Variants in DTNB observed in about 807,000 individuals in gnomAD.
DTNB encodes the protein DTN-B.
DTNB carries 63 observed loss-of-function variants against 90.7 expected under a neutral mutation model. The ratio of observed to expected loss-of-function variants is 0.69; its 90% CI spans 0.57 to 0.86. The LOEUF (loss-of-function observed/expected upper bound fraction) is 0.86, where lower values mean the gene tolerates loss of function less well. Ranked by LOEUF, DTNB falls within the 40% of genes least tolerant of loss-of-function variation. The probability of loss-of-function intolerance (pLI) is 0.00; values close to 1 mark genes in which losing one functional copy is unlikely to be tolerated. For synonymous variants in DTNB, 277 were observed against 286.7 expected (o/e 0.97, Z 0.34); for missense variants, 744 against 807.1 (o/e 0.92, Z 0.95).
chr2:25,614,973 C>T (rs918191887), intron 4 of DTNB, among the ~76,000 whole-genome samples: 2 of 152,176 alleles, frequency 1.3e-5, no homozygotes, highest in Admixed American at 6.5e-5. Context: ...TCCCGCAAGA[C>T]TGCTCCCCAC....
chr2:25,651,872 C>T lies in DTNB; in HGVS notation c.67+722G>A, dbSNP rs147929855. 3.4e-3 allele frequency among the ~76,000 whole-genome samples: 512 copies of T among 152,166 alleles called. 2 individuals carry two copies. The highest frequency in any genetic ancestry group is 0.011 in the African/African-American group (471 of 41,534). On this transcript the variant is annotated intron_variant, in intron 2 of 20. Coordinates refer to ENST00000406818, the MANE Select transcript of DTNB (RefSeq NM_021907.5). ...TGTTAAGGGTCCTTGTAAGATTTCACTGGGGGAAAAAAAGAGTACAGTACT... is the reference window on the plus strand; with the variant it reads ...TGTTAAGGGTCCTTGTAAGATTTCATTGGGGGAAAAAAAGAGTACAGTACT...
chr2:25,397,446 T>C (rs1032990151), intron 16 of DTNB, among the ~76,000 whole-genome samples: 1 of 151,752 alleles, frequency 6.6e-6, no homozygotes, highest in Non-Finnish European at 1.5e-5. Context: ...ATATAAAATG[T>C]CCAGAATAGG....
intron 12 of DTNB, among the ~76,000 whole-genome samples, chr2:25,439,673 A>G (rs2056914493): frequency 6.6e-6 from 1 of 152,222 alleles, no homozygotes; most frequent in Non-Finnish European, 1.5e-5. Flanking sequence ...AGGGAGACGA[A>G]TTAGTAATCC....
intron 9 of DTNB, among the ~76,000 whole-genome samples, chr2:25,485,380 G>T (rs529490172): frequency 6.6e-6 from 1 of 152,086 alleles, no homozygotes; most frequent in East Asian, 1.9e-4. Context: ...GGAAAAATGA[G>T]AATAAAAAAT....
intron 2 of DTNB, among the ~76,000 whole-genome samples, chr2:25,648,282 C>A (rs2148904756): frequency 6.6e-6 from 1 of 152,116 alleles, no homozygotes; most frequent in Admixed American, 6.5e-5. Context: ...TATCGAGGCA[C>A]CATCATGATA....
At chr2:25,525,105 A>G (rs1276491522) in intron 9 of DTNB, among the ~76,000 whole-genome samples, 1 of 152,222 alleles carries the variant, frequency 6.6e-6, no homozygotes, top group African/African-American at 2.4e-5. Context: ...AATTTCAAAA[A>G]CATATTACTT....
At chr2:25,530,618 G>C (rs1018137840) in intron 9 of DTNB, among the ~76,000 whole-genome samples, 3 of 152,126 alleles carry the variant, frequency 2.0e-5, no homozygotes, top group Non-Finnish European at 4.4e-5. Context: ...TAATTCACAT[G>C]CATGGATTAT....
At chr2:25,377,884 G>A (rs796467990) in intron 20 of DTNB, among the ~76,000 whole-genome samples, 1 of 152,196 alleles carries the variant, frequency 6.6e-6, no homozygotes, top group East Asian at 1.9e-4. Flanking sequence ...CTCAGCCCCC[G>A]GCCAGCAGAG....
At chr2:25,542,137 C>CT (rs1459856664) in intron 8 of DTNB, among the ~76,000 whole-genome samples, 2 of 152,074 alleles carry the variant, frequency 1.3e-5, no homozygotes, top group African/African-American at 4.8e-5. Context: ...TGTTTTGAGA[C>CT]TGAGTCTCAC....
In DTNB at chr2:25,565,589, C is replaced by A. The variant is rs371423255; in HGVS notation, c.876+11249G>T. Among the ~76,000 whole-genome samples the A allele has an allele frequency of 2.7e-5, 4 of 149,434 alleles. No homozygotes were observed. In the South Asian group the frequency reaches 8.4e-4, roughly 32 times the overall value. On this transcript the variant is annotated intron_variant, in intron 8 of 20. Transcript: ENST00000406818. ...TGTCCTTTTTCAGGTTGAGAAAGTT[C>A]TCTTCTATTCCCAGTTTATTGCATT... is the stretch of plus-strand genomic sequence containing the variant.
At chr2:25,636,810 T>C (rs1036790302) in intron 3 of DTNB, among the ~76,000 whole-genome samples, 1 of 151,982 alleles carries the variant, frequency 6.6e-6, no homozygotes, top group Admixed American at 6.6e-5. Flanking sequence ...AATGATTTCA[T>C]GAAGCATTAA....
chr2:25,610,109 T>C (rs145673390), intron 4 of DTNB, among the ~76,000 whole-genome samples: 21 of 152,308 alleles, frequency 1.4e-4, no homozygotes, highest in Non-Finnish European at 2.6e-4. Flanking sequence ...ATTTTTTTTG[T>C]TGTTGTCTTG....
intron 15 of DTNB, among the ~76,000 whole-genome samples, chr2:25,425,352 G>C (rs1311795420): frequency 6.6e-6 from 1 of 152,146 alleles, no homozygotes; most frequent in South Asian, 2.1e-4. Flanking sequence ...ATTGTCTTGA[G>C]CAAGTCAAAA....
chr2:25,579,903 C>T (rs2061294197), intron 7 of DTNB, among the ~76,000 whole-genome samples: 1 of 150,684 alleles, frequency 6.6e-6, no homozygotes, highest in Non-Finnish European at 1.5e-5. Flanking sequence ...AAGAAACAAT[C>T]ATCTGGAATC....
intron 6 of DTNB, among the ~76,000 whole-genome samples, chr2:25,588,435 G>A (rs940740775): frequency 1.3e-5 from 2 of 151,016 alleles, no homozygotes; most frequent in Non-Finnish European, 2.9e-5. Flanking sequence ...GCATGATCTC[G>A]GCTCACTGCA....
intron 19 of DTNB, among the ~76,000 whole-genome samples, chr2:25,382,117 G>A (rs961855820): frequency 3.3e-5 from 5 of 152,146 alleles, no homozygotes; most frequent in Admixed American, 3.3e-4. Flanking sequence ...TCACTCCCCC[G>A]AGCCTTGTTC....
chr2:25,380,751 T>C lies in DTNB; in HGVS notation c.1880-1428A>G, dbSNP rs368441674. Reference sequence around the variant, plus strand: ...CAGGGCAGTGCACGTGCAGAGACAGTGCCCTGGGGCCTGGAGGCCCGGGCG... The same window carrying C: ...CAGGGCAGTGCACGTGCAGAGACAGCGCCCTGGGGCCTGGAGGCCCGGGCG... On this transcript the variant is annotated intron_variant, in intron 19 of 20. Coordinates refer to ENST00000406818, the MANE Select transcript of DTNB (RefSeq NM_021907.5). Among the ~76,000 whole-genome samples, 65 of 151,998 alleles carry C rather than the reference T, an allele frequency of 4.3e-4. 1 individual carries two copies. In the East Asian group the frequency reaches 9.1e-3, roughly 21 times the overall value.
chr2:25,565,509 C>T (rs992612841), intron 8 of DTNB, among the ~76,000 whole-genome samples: 7 of 152,056 alleles, frequency 4.6e-5, no homozygotes, highest in South Asian at 2.1e-4. Flanking sequence ...CTGAGTCTCT[C>T]GAAGGGATTA....
At chr2:25,575,082 G>T (rs895815572) in intron 8 of DTNB, among the ~76,000 whole-genome samples, 14 of 152,052 alleles carry the variant, frequency 9.2e-5, no homozygotes, top group Admixed American at 7.9e-4. Context: ...GCCAAATGAG[G>T]AAATTCAAAC....
Sources: allele counts gnomAD v4.1 joint callset (sites outside exome capture counted in the v4.1 genomes callset), GRCh38; gene constraint gnomAD v4.1.1; transcripts MANE v1.5; gene names NCBI Gene and HGNC (gene_info 2026-07-23, HGNC 2026-07-21).